RCL1: variants seen among roughly 807,000 people sequenced by gnomAD.
RCL1 encodes the protein RNA 3'-terminal phosphate cyclase-like protein.
Under a neutral mutation model 42.4 loss-of-function variants are expected in RCL1, and 24 were observed. That is an observed-to-expected ratio of 0.57 (90% confidence interval 0.41 to 0.80). The LOEUF (loss-of-function observed/expected upper bound fraction) is 0.80. Ranked by LOEUF, RCL1 falls within the 30% of genes least tolerant of loss-of-function variation. RCL1 has a pLI of 0.00. For synonymous variants in RCL1, 228 were observed against 177.3 expected (o/e 1.29, Z -2.27); for missense variants, 578 against 467.9 (o/e 1.24, Z -2.17).
At chr9:4,798,935 G>A (rs1842954940) in intron 1 of RCL1, among the ~76,000 whole-genome samples, 1 of 146,112 alleles carries the variant, frequency 6.8e-6, no homozygotes, top group African/African-American at 2.6e-5. Flanking sequence ...CCAGTTTTCA[G>A]ATACAGTGTT....
intron 3 of RCL1, among the ~76,000 whole-genome samples, chr9:4,831,679 G>A (rs1169171649): frequency 4.6e-5 from 7 of 151,936 alleles, no homozygotes; most frequent in Admixed American, 6.6e-5. Context: ...TATGTTGCTC[G>A]GGCTGTAGCT....
chr9:4,859,464 TC>T (rs751973430), intron 8 of RCL1, among the ~76,000 whole-genome samples: 3 of 152,196 alleles, frequency 2.0e-5, no homozygotes, highest in Non-Finnish European at 4.4e-5. Flanking sequence ...TTATTTTTTT[TC>T]ATTTGAGTGC....
In RCL1 at chr9:4,860,186, C is replaced by G. The variant is rs763588238; in HGVS notation, c.1033C>G (p.Pro345Ala). ...GATTATGTTTAAAATTGAAACCAAG[C>G]CATGTGGTGAAGAACTCAAGGGTGG... ...FQIMFKIETK[P>A]CGEELKGGDK... The change falls in exon 9 of 9, where the codon CCA becomes GCA. Residue 345 changes from proline (P) to alanine (A), a missense_variant. By Grantham distance (27) the Pro-to-Ala change is conservative. Coordinates refer to ENST00000381750, the MANE Select transcript of RCL1 (RefSeq NM_005772.5). The G allele has an allele frequency of 1.1e-5, 18 of 1,611,324 alleles. No individual in the cohort carries two copies. The highest frequency in any genetic ancestry group is 1.3e-5 in the Non-Finnish European group (15 of 1,178,942).
chr9:4,849,493 T>G lies in RCL1; in HGVS notation c.914T>G (p.Met305Arg). 1 of 1,614,206 alleles carries G rather than the reference T, an allele frequency of 6.2e-7. No individual in the cohort carries two copies. Among genetic ancestry groups the G allele is most frequent in the Non-Finnish European group, 8.5e-7 (1 of 1,180,016 alleles). The stretch of plus-strand genomic sequence containing the variant: ...AACCAAAGCCTGGCGCTACTACTCA[T>G]GACCCTTGGACAGCAGGATGTTTCC... Reference protein sequence around the residue: ...STNQSLALLLMTLGQQDVSKV... With the variant: ...STNQSLALLLRTLGQQDVSKV... The change falls in exon 8 of 9, where the codon ATG (methionine) becomes AGG (arginine). Residue 305 changes from methionine (M) to arginine (R), a missense_variant. Met to Arg is a moderately conservative substitution (Grantham distance 91, BLOSUM62 -1). Coordinates refer to ENST00000381750, the MANE Select transcript of RCL1 (RefSeq NM_005772.5).
At chr9:4,811,563 A>G (rs1816177307) in intron 1 of RCL1, among the ~76,000 whole-genome samples, 1 of 152,270 alleles carries the variant, frequency 6.6e-6, no homozygotes, top group East Asian at 1.9e-4. Flanking sequence ...ATGTTCTACA[A>G]AAGCCTCTTC....
chr9:4,859,168 G>A (rs1185792628), intron 8 of RCL1, among the ~76,000 whole-genome samples: 2 of 152,206 alleles, frequency 1.3e-5, no homozygotes, highest in Non-Finnish European at 2.9e-5. Context: ...CTGCACTGCG[G>A]TTCATCCACA....
chr9:4,851,093 T>C (rs1817732315), intron 8 of RCL1, among the ~76,000 whole-genome samples: 1 of 152,216 alleles, frequency 6.6e-6, no homozygotes, highest in East Asian at 1.9e-4. Context: ...TTTCAAGCTT[T>C]GCAGAGATGC....
chr9:4,849,604 C>T, intron 8 of RCL1, 54 bp downstream of exon 8: 1 of 1,315,348 alleles, frequency 7.6e-7, no homozygotes, highest in Non-Finnish European at 1.1e-6. Context: ...TTTCTCATTG[C>T]CCAAAATGAC....
intron 8 of RCL1, among the ~76,000 whole-genome samples, chr9:4,853,124 C>T (rs990228345): frequency 6.6e-6 from 1 of 152,090 alleles, no homozygotes; most frequent in Non-Finnish European, 1.5e-5. Flanking sequence ...GTTTTAAGCA[C>T]TCAGACATAA....
intron 3 of RCL1, among the ~76,000 whole-genome samples, chr9:4,831,174 T>A (rs1393244632): frequency 6.6e-6 from 1 of 152,172 alleles, no homozygotes; most frequent in Non-Finnish European, 1.5e-5. Context: ...TTCCATGTCA[T>A]ATGGAGAGTG....
intron 1 of RCL1, among the ~76,000 whole-genome samples, chr9:4,817,151 AAAAC>A (rs1328839488): frequency 6.6e-6 from 1 of 152,154 alleles, no homozygotes; most frequent in Non-Finnish European, 1.5e-5. Flanking sequence ...TTGGGGAAAA[AAAAC>A]TTACAGTGAC....
chr9:4,793,476 G>A (rs1226122197), intron 1 of RCL1, among the ~76,000 whole-genome samples: 1 of 152,258 alleles, frequency 6.6e-6, no homozygotes, highest in African/African-American at 2.4e-5. Flanking sequence ...GTAAACAGCT[G>A]CACGTTTTCC....
At chr9:4,818,270 T>C (rs984984385) in intron 1 of RCL1, among the ~76,000 whole-genome samples, 4 of 152,192 alleles carry the variant, frequency 2.6e-5, no homozygotes, top group African/African-American at 9.6e-5. Context: ...TAGAATCTCA[T>C]CTGTTTTGAT....
At position 4,861,050 on chromosome 9, in the gene RCL1, AT is replaced by A. The variant is rs1230482011; in HGVS notation, c.*776del. On this transcript the variant is annotated 3_prime_UTR_variant, in exon 9 of 9. Transcript: ENST00000381750. ...GAAATGTATAATGTAAAGACATTAA[AT>A]CTCCTCATTTAAGGATCTAAGTGTA... 1.3e-5 allele frequency: 2 copies of A among 152,238 alleles called. No individual in the cohort carries two copies. Among genetic ancestry groups the A allele is most frequent in the African/African-American group, 4.8e-5 (2 of 41,468 alleles). The allele number at this position is 152,238 out of a possible 1,614,324, so 9.4% of individuals were successfully genotyped here.
chr9:4,808,034 G>A (rs1816042303), intron 1 of RCL1, among the ~76,000 whole-genome samples: 1 of 151,690 alleles, frequency 6.6e-6, no homozygotes, highest in East Asian at 1.9e-4. Flanking sequence ...TCTCTTGTTG[G>A]GTGGAGTGCT....
chr9:4,847,477 T>A (rs920497624), intron 7 of RCL1, among the ~76,000 whole-genome samples: 26 of 152,314 alleles, frequency 1.7e-4, no homozygotes, highest in African/African-American at 5.5e-4. Context: ...GCCTTCTTGA[T>A]TCTGTCCCAG....
chr9:4,805,184 C>A (rs975873474), intron 1 of RCL1, among the ~76,000 whole-genome samples: 1 of 152,140 alleles, frequency 6.6e-6, no homozygotes, highest in African/African-American at 2.4e-5. Flanking sequence ...GAGACCCCAT[C>A]TCTACAGAAA....
chr9:4,836,211 T>G (rs983302655), intron 5 of RCL1, among the ~76,000 whole-genome samples: 3 of 152,180 alleles, frequency 2.0e-5, no homozygotes, highest in Non-Finnish European at 4.4e-5. Flanking sequence ...CCAGTGGCAG[T>G]TGGCAGCCTA....
chr9:4,796,189 A>C (rs1023345654), intron 1 of RCL1, among the ~76,000 whole-genome samples: 2 of 152,224 alleles, frequency 1.3e-5, no homozygotes, highest in Admixed American at 1.3e-4. Flanking sequence ...CCATTATCCA[A>C]ATAGTGAACA....
Sources: allele counts gnomAD v4.1 joint callset (sites outside exome capture counted in the v4.1 genomes callset), GRCh38; gene constraint gnomAD v4.1.1; transcripts MANE v1.5; gene names NCBI Gene and HGNC (gene_info 2026-07-23, HGNC 2026-07-21).